Variants in SRD5A1 observed in about 807,000 individuals in gnomAD.
The protein encoded by SRD5A1 is 3-oxo-5-alpha-steroid 4-dehydrogenase 1.
In SRD5A1, 22 loss-of-function variants were observed where a neutral mutation model predicts 28.2. The ratio of observed to expected loss-of-function variants is 0.78; its 90% CI spans 0.56 to 1.12. The LOEUF is 1.12. SRD5A1 is among the 50% of genes most tolerant of loss of function. The probability of loss-of-function intolerance (pLI) is 0.00; values close to 1 mark genes in which losing one functional copy is unlikely to be tolerated. For missense variants in SRD5A1, 300 were observed against 346.7 expected (o/e 0.87, Z 1.07); for synonymous variants, 151 against 135.0 (o/e 1.12, Z -0.82).
In SRD5A1 at chr5:6,671,572, C is replaced by G. The variant is rs1739361664; in HGVS notation, c.*3304C>G. 1 of 151,570 alleles carries G rather than the reference C, an allele frequency of 6.6e-6. No homozygotes were observed. The highest frequency in any genetic ancestry group is 1.5e-5 in the Non-Finnish European group (1 of 67,982). 9.4% of individuals were successfully genotyped at this position (151,570 alleles called of 1,614,324 possible). On this transcript the variant is annotated 3_prime_UTR_variant, in exon 5 of 5. Transcript: ENST00000274192. ...GAAACTATTATTCTAAGTTAAGTAA[C>G]TCAGGAATGGAAAACCAAACAACCT...
At chr5:6,667,163 C>A (rs1466168452) in intron 4 of SRD5A1, among the ~76,000 whole-genome samples, 1 of 152,148 alleles carries the variant, frequency 6.6e-6, no homozygotes, top group Non-Finnish European at 1.5e-5. Context: ...GTTGGGCACT[C>A]GTGGGTCCAT....
intron 3 of SRD5A1, among the ~76,000 whole-genome samples, chr5:6,662,043 CT>C (rs765523692): frequency 8.5e-5 from 13 of 152,206 alleles, no homozygotes; most frequent in Non-Finnish European, 1.5e-4. Flanking sequence ...CTCCCCACCC[CT>C]CATCTGGTCT....
At chr5:6,666,381 C>G (rs2126555260) in intron 4 of SRD5A1, among the ~76,000 whole-genome samples, 1 of 152,286 alleles carries the variant, frequency 6.6e-6, no homozygotes, top group Non-Finnish European at 1.5e-5. Context: ...ATCTCCTGAC[C>G]TCGTGATTTG....
At position 6,633,604 on chromosome 5, in the gene SRD5A1, G is replaced by T; in HGVS notation, c.28G>T (p.Glu10Ter). 6.6e-7 allele frequency: 1 copy of T among 1,523,328 alleles called. No homozygotes were observed. Among genetic ancestry groups the T allele is most frequent in the Non-Finnish European group, 8.7e-7 (1 of 1,142,960 alleles). The allele number at this position is 1,523,328 out of a possible 1,614,324, so 94.4% of individuals were successfully genotyped here. The change falls in exon 1 of 5, where the codon GAG (glutamate) becomes TAG (stop). Residue 10 changes from glutamate (E) to a stop codon, truncating the protein, a stop_gained. Transcript: ENST00000274192. LOFTEE classifies it high-confidence loss of function. Reference sequence around the variant, plus strand: ...GGCAACGGCGACGGGGGTGGCGGAGGAGCGCCTGCTGGCCGCGCTCGCCTA... The same window carrying T: ...GGCAACGGCGACGGGGGTGGCGGAGTAGCGCCTGCTGGCCGCGCTCGCCTA... Reference protein sequence around the residue: MATATGVAEERLLAALAYLQ... With the variant: MATATGVAE
chr5:6,659,280 A>AT (rs1203616818), intron 3 of SRD5A1, among the ~76,000 whole-genome samples: 3 of 151,716 alleles, frequency 2.0e-5, no homozygotes, highest in Non-Finnish European at 4.4e-5. Context: ...CGCCTGGCTA[A>AT]TTTTTTGTAT....
chr5:6,639,818 GAAAACTTAGAAAATAATTCAAGGA>G (rs1738308479), intron 1 of SRD5A1, among the ~76,000 whole-genome samples: 2 of 152,170 alleles, frequency 1.3e-5, no homozygotes, highest in Non-Finnish European at 2.9e-5. Flanking sequence ...GCTTGTTGTA[GAAAACTTAGAAAATAATTCAAGGA>G]AAGAAAGAAA....
At chr5:6,640,326 A>G (rs1433158383) in intron 1 of SRD5A1, among the ~76,000 whole-genome samples, 3 of 152,230 alleles carry the variant, frequency 2.0e-5, no homozygotes, top group Non-Finnish European at 4.4e-5. Context: ...ATGCACTTTT[A>G]TATTATATCT....
At chr5:6,652,927 A>G (rs1380152512) in intron 2 of SRD5A1, among the ~76,000 whole-genome samples, 1 of 151,504 alleles carries the variant, frequency 6.6e-6, no homozygotes, top group Non-Finnish European at 1.5e-5. Flanking sequence ...AGGTTCTTCT[A>G]TATATTTGTT....
chr5:6,636,190 A>G (rs1738178868), intron 1 of SRD5A1, among the ~76,000 whole-genome samples: 2 of 152,164 alleles, frequency 1.3e-5, no homozygotes, highest in South Asian at 4.1e-4. Flanking sequence ...CCAAGCAACT[A>G]ATTTATTAAA....
In SRD5A1 at chr5:6,633,601, G is replaced by T. The variant is rs759531023; in HGVS notation, c.25G>T (p.Glu9Ter). 1.1e-5 allele frequency: 16 copies of T among 1,522,796 alleles called. No homozygotes were observed. The Admixed American group carries it at 3.0e-4, about 29-fold the overall frequency. 94.3% of individuals were successfully genotyped at this position (1,522,796 alleles called of 1,614,324 possible). Residue 9 changes from glutamate to a stop codon, truncating the protein, a stop_gained, in exon 1 of 5, where the codon GAG (glutamate) becomes TAG (stop). Coordinates refer to ENST00000274192, the MANE Select transcript of SRD5A1 (RefSeq NM_001047.4). LOFTEE classifies it high-confidence loss of function. MATATGVAEERLLAALAYL... is the reference protein window; with the variant it reads MATATGVA The stretch of plus-strand genomic sequence containing the variant: ...GATGGCAACGGCGACGGGGGTGGCG[G>T]AGGAGCGCCTGCTGGCCGCGCTCGC...
chr5:6,645,180 G>A (rs533947554), intron 1 of SRD5A1: 2 of 363,480 alleles, frequency 5.5e-6, no homozygotes, highest in Admixed American at 3.6e-5. Context: ...CAGCCAGCAT[G>A]ACACTACTAT....
chr5:6,667,083 A>G (rs1466934647), intron 4 of SRD5A1, among the ~76,000 whole-genome samples: 2 of 152,216 alleles, frequency 1.3e-5, no homozygotes, highest in Non-Finnish European at 2.9e-5. Context: ...TTCAGCCTCT[A>G]ACCAGCGAAC....
chr5:6,642,636 A>G (rs781347344), intron 1 of SRD5A1, among the ~76,000 whole-genome samples: 2 of 152,252 alleles, frequency 1.3e-5, no homozygotes, highest in African/African-American at 2.4e-5. Context: ...TTAACACAGT[A>G]TGAGTTTTGC....
At chr5:6,637,213 T>C (rs1579392510) in intron 1 of SRD5A1, among the ~76,000 whole-genome samples, 1 of 152,062 alleles carries the variant, frequency 6.6e-6, no homozygotes, top group East Asian at 1.9e-4. Flanking sequence ...CAGGCCTCCC[T>C]AGGGCCTTCC....
At chr5:6,655,418 G>A (rs770274866) in intron 2 of SRD5A1, among the ~76,000 whole-genome samples, 1 of 152,240 alleles carries the variant, frequency 6.6e-6, no homozygotes, top group Non-Finnish European at 1.5e-5. Flanking sequence ...TGGGGATACC[G>A]TGGGATTCTG....
At chr5:6,667,716 C>T (rs186014122) in intron 4 of SRD5A1, among the ~76,000 whole-genome samples, 54 of 152,284 alleles carry the variant, frequency 3.5e-4, no homozygotes, top group African/African-American at 9.4e-4. Flanking sequence ...CAGATTTCAC[C>T]GAATCCTTAC....
rs1466521567 is a variant in SRD5A1 at position 6,633,815 on chromosome 5, G to A, written c.239G>A (p.Arg80His). 6.3e-7 allele frequency: 1 copy of A among 1,597,914 alleles called. No homozygotes were observed. The highest frequency in any genetic ancestry group is 8.5e-7 in the Non-Finnish European group (1 of 1,179,666). Residue 80 changes from arginine (R) to histidine (H), a missense_variant, in exon 1 of 5, where the codon CGC becomes CAC. Arg to His is a conservative substitution (Grantham distance 29, BLOSUM62 0). This residue lies in a region of SRD5A1 where 174 missense variants were observed against 160.9 expected (regional missense o/e 1.08). Coordinates refer to ENST00000274192, the MANE Select transcript of SRD5A1 (RefSeq NM_001047.4). ...QYASESAPRL[R>H]SAPNCILLAM... ...GCCAGCGAGTCCGCCCCGCGTCTCC[G>A]CAGCGCGCCCAACTGCATCCTCCTG...
In SRD5A1 at chr5:6,657,303, G is replaced by A. The variant is rs8192213; in HGVS notation, c.562+1124G>A. ...AGAAAACATGACAGAGTCCTAGACAGGCTGCTGATCACCTATTCAGCCCCT... is the reference window on the plus strand; with the variant it reads ...AGAAAACATGACAGAGTCCTAGACAAGCTGCTGATCACCTATTCAGCCCCT... On this transcript the variant is annotated intron_variant, in intron 3 of 4. Transcript: ENST00000274192. Among the ~76,000 whole-genome samples, 847 of 152,360 alleles carry A rather than the reference G, an allele frequency of 5.6e-3. 9 individuals carry two copies. Among genetic ancestry groups the A allele is most frequent in the African/African-American group, 0.02 (816 of 41,586 alleles).
At chr5:6,638,585 T>A (rs1396248599) in intron 1 of SRD5A1, among the ~76,000 whole-genome samples, 1 of 152,258 alleles carries the variant, frequency 6.6e-6, no homozygotes, top group African/African-American at 2.4e-5. Flanking sequence ...CATGTGCTTA[T>A]GTAAGACACA....
Sources: allele counts gnomAD v4.1 joint callset (sites outside exome capture counted in the v4.1 genomes callset), GRCh38; gene constraint gnomAD v4.1.1; regional missense constraint gnomAD v4.1.1; transcripts MANE v1.5; gene names NCBI Gene and HGNC (gene_info 2026-07-23, HGNC 2026-07-21).